Variants in SOX5 observed in about 807,000 individuals in gnomAD.
The protein encoded by SOX5 is SRY-box transcription factor 5, also known as transcription factor SOX-5.
Under a neutral mutation model 92.0 loss-of-function variants are expected in SOX5, and 9 were observed. That is an observed-to-expected ratio of 0.10 (90% CI 0.06 to 0.17). The LOEUF is 0.17. Among genes scored for constraint, SOX5 ranks in the 10% least tolerant of loss-of-function variants. The probability of loss-of-function intolerance (pLI) is 1.00; values close to 1 mark genes in which losing one functional copy is unlikely to be tolerated. For synonymous variants in SOX5, 344 were observed against 336.3 expected, an observed-to-expected ratio of 1.02 and a Z score of -0.25; for missense variants, 642 against 944.5, an observed-to-expected ratio of 0.68 and a Z score of 4.20.
chr12:24,122,360 T>A (rs1008796043), intron 4 of SOX5, among the ~76,000 whole-genome samples: 2 of 152,186 alleles, frequency 1.3e-5, no homozygotes, highest in African/African-American at 4.8e-5. Flanking sequence ...ACAAAAGTTT[T>A]CTGGAACGAC....
intron 1 of SOX5, among the ~76,000 whole-genome samples, chr12:24,477,554 A>G (rs891944231): frequency 1.2e-4 from 19 of 152,220 alleles, no homozygotes; most frequent in African/African-American, 4.3e-4. Context: ...CAGAAACATT[A>G]AATGACCTAG....
intron 1 of SOX5, among the ~76,000 whole-genome samples, chr12:24,462,110 T>C (rs1311510615): frequency 1.3e-5 from 2 of 152,190 alleles, no homozygotes; most frequent in Non-Finnish European, 2.9e-5. Flanking sequence ...ATTTCATCCT[T>C]GTGTGAATAT....
At chr12:24,325,208 A>G (rs1950565153) in intron 2 of SOX5, among the ~76,000 whole-genome samples, 2 of 152,148 alleles carry the variant, frequency 1.3e-5, no homozygotes, top group Non-Finnish European at 2.9e-5. Context: ...ATAGAAAGTT[A>G]TACACACTAA....
intron 2 of SOX5, among the ~76,000 whole-genome samples, chr12:24,289,482 C>A (rs1220702862): frequency 9.2e-6 from 1 of 108,936 alleles, no homozygotes; most frequent in African/African-American, 5.4e-5. Flanking sequence ...GAGACGGAGT[C>A]TCGCTCTGTC....
intron 7 of SOX5, among the ~76,000 whole-genome samples, chr12:23,648,192 A>G (rs1342395121): frequency 1.3e-5 from 2 of 152,232 alleles, no homozygotes; most frequent in Non-Finnish European, 2.9e-5. Context: ...TTATCAAAAT[A>G]TGACAAAGAG....
chr12:23,842,427 C>T (rs923835255), intron 3 of SOX5, among the ~76,000 whole-genome samples: 1 of 152,018 alleles, frequency 6.6e-6, no homozygotes, highest in Admixed American at 6.6e-5. Context: ...TAGATATATA[C>T]ATATATAGGT....
intron 1 of SOX5, among the ~76,000 whole-genome samples, chr12:24,487,945 G>T (rs989294502): frequency 6.6e-6 from 1 of 152,148 alleles, no homozygotes; most frequent in Non-Finnish European, 1.5e-5. Flanking sequence ...CAGAAGATAA[G>T]GGTAGAGTTC....
intron 9 of SOX5, among the ~76,000 whole-genome samples, chr12:23,592,573 C>T (rs543290633): frequency 2.6e-5 from 4 of 152,074 alleles, no homozygotes; most frequent in African/African-American, 7.2e-5. Context: ...ACTTGGGTTT[C>T]GACAAATTCC....
chr12:23,895,998 G>A lies in SOX5; in HGVS notation c.65C>T (p.Pro22Leu), dbSNP rs61756182. The A allele has an allele frequency of 9.5e-5, 154 of 1,613,846 alleles. 1 individual carries two copies. Among genetic ancestry groups the A allele is most frequent in the South Asian group, 2.6e-4 (24 of 91,080 alleles). The part of the protein sequence containing the change: ...ERMSSKRPAS[P>L]YGEADGEVAM... ...TACCTCTCCATCTGCTTCCCCATAC[G>A]GAGAGGCTGGTCGCTTGGAAGACAT... The change falls in exon 2 of 15, where the codon CCG becomes CTG. Residue 22 changes from proline (P) to leucine (L), a missense_variant. Around this residue, in one of 8 missense-constraint regions of SOX5, gnomAD observed 113 missense variants for 117.7 expected, o/e 0.96. Transcript: ENST00000451604.
chr12:23,539,688 T>TG (rs565318883), intron 13 of SOX5, among the ~76,000 whole-genome samples: 68 of 152,196 alleles, frequency 4.5e-4, no homozygotes, highest in African/African-American at 1.6e-3. Flanking sequence ...TCAGATAAGT[T>TG]GGCTTCCAAA....
chr12:23,600,522 C>CATATATATATCTATATATAT (rs2074311541), intron 9 of SOX5, among the ~76,000 whole-genome samples: 1 of 39,812 alleles, frequency 2.5e-5, no homozygotes, highest in African/African-American at 9.4e-5. Context: ...GGGGGGGGTG[C>CATATATATATCTATATATAT]ATATATATAT....
At chr12:24,413,189 C>T (rs4517618) in intron 1 of SOX5, among the ~76,000 whole-genome samples, 95,213 of 151,874 alleles carry the variant, frequency 0.63, 30,465 homozygotes, top group East Asian at 0.98. Flanking sequence ...TCTATTTCTC[C>T]TTTCAATTTA....
intron 4 of SOX5, among the ~76,000 whole-genome samples, chr12:24,186,400 T>C (rs1223528950): frequency 6.6e-6 from 1 of 152,180 alleles, no homozygotes; most frequent in Non-Finnish European, 1.5e-5. Context: ...GCGTTTGTTT[T>C]TGTATCTGCT....
chr12:24,008,326 G>A (rs907471821), intron 4 of SOX5, among the ~76,000 whole-genome samples: 1 of 152,034 alleles, frequency 6.6e-6, no homozygotes, highest in Admixed American at 6.6e-5. Flanking sequence ...TCTACAATGG[G>A]CCTTGACAGA....
At chr12:24,485,525 C>T (rs528746233) in intron 1 of SOX5, among the ~76,000 whole-genome samples, 1 of 152,104 alleles carries the variant, frequency 6.6e-6, no homozygotes, top group African/African-American at 2.4e-5. Context: ...TGGCTTTCTG[C>T]GTGGCAACTA....
At chr12:24,293,667 A>G (rs779514898) in intron 2 of SOX5, among the ~76,000 whole-genome samples, 45 of 152,206 alleles carry the variant, frequency 3.0e-4, no homozygotes, top group Non-Finnish European at 2.9e-5. Flanking sequence ...GGGCATTTAT[A>G]TATCAATATC....
chr12:23,928,851 C>T (rs1940712807), intron 1 of SOX5, among the ~76,000 whole-genome samples: 1 of 151,780 alleles, frequency 6.6e-6, no homozygotes, highest in South Asian at 2.1e-4. Flanking sequence ...AGATCAAGAA[C>T]CTAAAAGAAA....
chr12:24,277,527 T>TAAATTTACATTTAA (rs1944625029), intron 2 of SOX5, among the ~76,000 whole-genome samples: 1 of 146,700 alleles, frequency 6.8e-6, no homozygotes. Context: ...TATTTATATG[T>TAAATTTACATTTAA]ATATAATTTA....
At chr12:23,950,498 G>A (rs1473455650), upstream of SOX5, among the ~76,000 whole-genome samples, 2 of 152,188 alleles carry the variant, frequency 1.3e-5, no homozygotes, top group Admixed American at 6.5e-5. Context: ...CACGATGTGC[G>A]ATGTGGAGGG....
Sources: gnomAD v4.1 joint callset for allele counts (sites outside exome capture counted in the v4.1 genomes callset) on GRCh38, gnomAD v4.1.1 for gene constraint, gnomAD v4.1.1 regional missense constraint, MANE v1.5 for transcripts, NCBI Gene and HGNC (gene_info 2026-07-23, HGNC 2026-07-21) for gene names.